PTPN5: variants seen among roughly 807,000 people sequenced by gnomAD.
PTPN5 encodes tyrosine-protein phosphatase non-receptor type 5.
Under a neutral mutation model 73.9 loss-of-function variants are expected in PTPN5, and 29 were observed. That is an observed-to-expected ratio of 0.39 (90% CI 0.29 to 0.54). The LOEUF is 0.54. PTPN5 is among the 20% of genes least tolerant of loss of function. PTPN5 has a pLI of 0.65. For missense variants in PTPN5, 652 were observed against 751.4 expected, an observed-to-expected ratio of 0.87 and a Z score of 1.55; for synonymous variants, 267 against 304.7, an observed-to-expected ratio of 0.88 and a Z score of 1.29.
At chr11:18,744,316 C>A in intron 3 of PTPN5, 117 bp from the exon 4 acceptor site, 2 of 830,418 alleles carry the variant, frequency 2.4e-6, no homozygotes, top group South Asian at 5.4e-5. Context: ...CAGCGTGGCT[C>A]CACTTCCAGC....
At chr11:18,732,318 T>C (rs1465958135) in intron 12 of PTPN5, among the ~76,000 whole-genome samples, 1 of 152,172 alleles carries the variant, frequency 6.6e-6, no homozygotes, top group Non-Finnish European at 1.5e-5. Flanking sequence ...ATTTGAAGCA[T>C]AGCTAGAATG....
intron 12 of PTPN5, 69 bp downstream of exon 12, chr11:18,732,523 C>T: frequency 8.6e-7 from 1 of 1,168,956 alleles, no homozygotes; most frequent in East Asian, 2.4e-5. Flanking sequence ...GGGACCTGTT[C>T]TCTGTGGAGC....
intron 2 of PTPN5, among the ~76,000 whole-genome samples, chr11:18,769,388 GTT>G (rs903590047): frequency 6.6e-6 from 1 of 151,500 alleles, no homozygotes; most frequent in African/African-American, 2.4e-5. Flanking sequence ...ACAGGAGCTG[GTT>G]TTTTTTTAAA....
intron 1 of PTPN5, among the ~76,000 whole-genome samples, chr11:18,775,786 G>C (rs1000823168): frequency 1.3e-5 from 2 of 152,130 alleles, no homozygotes; most frequent in African/African-American, 4.8e-5. Context: ...GACCTCTAAG[G>C]GCCTTTCCTT....
At chr11:18,745,619 T>A (rs1849584717) in intron 3 of PTPN5, among the ~76,000 whole-genome samples, 1 of 152,142 alleles carries the variant, frequency 6.6e-6, no homozygotes, top group East Asian at 1.9e-4. Context: ...CTGAAGTAGG[T>A]CCTGCTCTAT....
At position 18,733,100 on chromosome 11, in the gene PTPN5, T is replaced by C; in HGVS notation, c.1218+135A>G. On this transcript the variant is annotated intron_variant, in intron 11 of 14. Coordinates refer to ENST00000358540, the MANE Select transcript of PTPN5 (RefSeq NM_006906.2). This position sits in a 1 kb window ranked among gnomAD's most constrained non-coding sequence, Gnocchi z 4.3. ...GCAAATGACTTAACCTTACCGAGCC[T>C]CACATCTCCTCATCTTGGCAGCGGA... The C allele has an allele frequency of 7.4e-7, 1 of 1,342,962 alleles. No homozygotes were observed. The allele number at this position is 1,342,962 out of a possible 1,614,324, so 83.2% of individuals were successfully genotyped here.
At chr11:18,740,326 T>G in intron 8 of PTPN5, 1 of 280,672 alleles carries the variant, frequency 3.6e-6, no homozygotes. Context: ...GACTTAGCAT[T>G]GTCACTGTAC....
rs1266644158 is a variant in PTPN5 at position 18,733,396 on chromosome 11, G to C, written c.1081-24C>G. Reference sequence around the variant, plus strand: ...CCCTGCGGCCAGCCAAGTCCAGGCTGTCAGGGTCAGAGGCAGTGCTCCCAG... The same window carrying C: ...CCCTGCGGCCAGCCAAGTCCAGGCTCTCAGGGTCAGAGGCAGTGCTCCCAG... On this transcript the variant is annotated intron_variant, in intron 10 of 14. Coordinates refer to ENST00000358540, the MANE Select transcript of PTPN5 (RefSeq NM_006906.2). This position sits in a 1 kb window ranked among gnomAD's most constrained non-coding sequence, Gnocchi z 4.3. 2 of 1,611,472 alleles carry C rather than the reference G, an allele frequency of 1.2e-6. No homozygotes were observed. The highest frequency in any genetic ancestry group is 2.2e-5 in the East Asian group (1 of 44,798).
At chr11:18,741,069 C>T (rs1849343400) in intron 7 of PTPN5, among the ~76,000 whole-genome samples, 2 of 152,128 alleles carry the variant, frequency 1.3e-5, no homozygotes, top group Non-Finnish European at 2.9e-5. Flanking sequence ...TCCAAAGCTA[C>T]CCCAACATGG....
At chr11:18,732,725 GC>G in intron 11 of PTPN5, 23 bp from the exon 12 acceptor site, 1 of 1,590,206 alleles carries the variant, frequency 6.3e-7, no homozygotes, top group Non-Finnish European at 8.6e-7. Context: ...AGATCAGGCT[GC>G]CATACAATCC....
rs200911478 is a variant in PTPN5, at chr11:18,729,062, G to C, written c.1605-35C>G. The C allele has an allele frequency of 6.0e-5, 97 of 1,604,476 alleles. No homozygotes were observed. Among genetic ancestry groups the C allele is most frequent in the Non-Finnish European group, 7.7e-5 (91 of 1,175,014 alleles). ...AGAGATGCACAGTGGGGGCAGGGTC[G>C]TGGAGGGATGGGCTGTGGGAGGTGC... On this transcript the variant is annotated intron_variant, in intron 14 of 14. Coordinates refer to ENST00000358540, the MANE Select transcript of PTPN5 (RefSeq NM_006906.2). The surrounding 1 kb of genome is among the most constrained non-coding windows in gnomAD (Gnocchi z 5.2).
intron 2 of PTPN5, among the ~76,000 whole-genome samples, chr11:18,770,949 G>A (rs1439785146): frequency 6.6e-6 from 1 of 152,126 alleles, no homozygotes; most frequent in Non-Finnish European, 1.5e-5. Flanking sequence ...GTGGGGGATG[G>A]GGGGTGCTAT....
At chr11:18,745,286 T>C (rs1284464117) in intron 3 of PTPN5, among the ~76,000 whole-genome samples, 1 of 152,216 alleles carries the variant, frequency 6.6e-6, no homozygotes, top group African/African-American at 2.4e-5. Context: ...AACAGAACCA[T>C]GTGGGCCCAG....
chr11:18,738,843 GC>G lies in PTPN5; in HGVS notation c.916-880del, dbSNP rs561787187. Among the ~76,000 whole-genome samples, 527 of 152,106 alleles carry G rather than the reference GC, an allele frequency of 3.5e-3. 4 individuals are homozygous for G. The highest frequency in any genetic ancestry group is 0.017 in the Middle Eastern group (5 of 294). On this transcript the variant is annotated intron_variant, in intron 8 of 14. Coordinates refer to ENST00000358540, the MANE Select transcript of PTPN5 (RefSeq NM_006906.2). ...AAAAATTAGCTGGACCTGGTGGCGG[GC>G]CCCTGTAATCCCAGCCACTAGGGAG...
At chr11:18,743,573 C>T (rs1849474905) in intron 4 of PTPN5, 144 bp from the exon 5 acceptor site, 1 of 717,226 alleles carries the variant, frequency 1.4e-6, no homozygotes, top group Admixed American at 2.5e-5. Context: ...GAGAGCAGGG[C>T]CCCGGTGCTG....
chr11:18,764,556 C>T (rs1411026396), intron 3 of PTPN5, among the ~76,000 whole-genome samples: 1 of 152,172 alleles, frequency 6.6e-6, no homozygotes, highest in Non-Finnish European at 1.5e-5. Context: ...AGAGTCATCG[C>T]TTTAGACTCA....
intron 3 of PTPN5, among the ~76,000 whole-genome samples, chr11:18,745,436 G>A (rs1241892147): frequency 6.6e-6 from 1 of 152,152 alleles, no homozygotes; most frequent in African/African-American, 2.4e-5. Flanking sequence ...TCCCAGCCGG[G>A]CCCATTTCAG....
At chr11:18,746,195 A>AT (rs1554916252) in intron 3 of PTPN5, among the ~76,000 whole-genome samples, 16,521 of 113,892 alleles carry the variant, frequency 0.15, 1,771 homozygotes, top group Non-Finnish European at 0.21. Context: ...ATATATATAC[A>AT]TTTTTTTTTT....
Position 18,765,816 on chromosome 11 carries a change from T to C in PTPN5, c.88A>G (p.Arg30Gly). The C allele has an allele frequency of 6.4e-7, 1 of 1,573,226 alleles. No homozygotes were observed. Among genetic ancestry groups the C allele is most frequent in the Non-Finnish European group, 8.6e-7 (1 of 1,158,144 alleles). The change falls in exon 3 of 15, where the codon AGG (arginine) becomes GGG (glycine). Residue 30 changes from arginine to glycine, a missense_variant. Arg to Gly is a moderately radical substitution (Grantham distance 125). Coordinates refer to ENST00000358540, the MANE Select transcript of PTPN5 (RefSeq NM_006906.2). ...TGCTGAGAAGACTCACCCGGTAGCCTCTCACTGCAGCACATGTCCAGGGCC... is the reference window on the plus strand; with the variant it reads ...TGCTGAGAAGACTCACCCGGTAGCCCCTCACTGCAGCACATGTCCAGGGCC... ...GGALDMCCSE[R>G]LPGLPQPIVM...
Sources: gnomAD v4.1 joint callset for allele counts (sites outside exome capture counted in the v4.1 genomes callset) on GRCh38, gnomAD v4.1.1 for gene constraint, Gnocchi (gnomAD v3.1) non-coding constraint, MANE v1.5 for transcripts, NCBI Gene and HGNC (gene_info 2026-07-23, HGNC 2026-07-21) for gene names.